KDM1A: variants seen among roughly 807,000 people sequenced by gnomAD.
The protein encoded by KDM1A is lysine demethylase 1A.
Under a neutral mutation model 109.4 loss-of-function variants are expected in KDM1A, and 49 were observed. That is an observed-to-expected ratio of 0.45 (90% CI 0.36 to 0.57). The LOEUF (loss-of-function observed/expected upper bound fraction) is 0.57, where lower values mean the gene tolerates loss of function less well. Among genes scored for constraint, KDM1A ranks in the 20% least tolerant of loss-of-function variants. KDM1A has a pLI of 0.00. For synonymous variants in KDM1A, 380 were observed against 415.4 expected, an observed-to-expected ratio of 0.91 and a Z score of 1.04; for missense variants, 668 against 1,116.6, an observed-to-expected ratio of 0.60 and a Z score of 5.73.
At chr1:23,040,434 T>C (rs1642274061) in intron 2 of KDM1A, among the ~76,000 whole-genome samples, 1 of 152,186 alleles carries the variant, frequency 6.6e-6, no homozygotes, top group South Asian at 2.1e-4. Context: ...AAGGCTGTTA[T>C]GTAAGATAAA....
At chr1:23,069,967 T>C (rs1331574266) in intron 12 of KDM1A, among the ~76,000 whole-genome samples, 1 of 152,260 alleles carries the variant, frequency 6.6e-6, no homozygotes, top group Non-Finnish European at 1.5e-5. Flanking sequence ...CTTGCCTCAC[T>C]CTCACTGTGC....
chr1:23,046,954 G>A (rs929313614), intron 3 of KDM1A, among the ~76,000 whole-genome samples: 3 of 152,144 alleles, frequency 2.0e-5, no homozygotes, highest in Non-Finnish European at 2.9e-5. Context: ...AATGGAAAAC[G>A]CAAACACCAG....
intron 1 of KDM1A, 136 bp downstream of exon 1, chr1:23,020,083 C>T (rs891767736): frequency 1.0e-4 from 95 of 954,600 alleles, no homozygotes; most frequent in Admixed American, 2.9e-4. Flanking sequence ...GCGCACGCCA[C>T]GTCCCCTCTA....
At position 23,071,375 on chromosome 1, in the gene KDM1A, A is replaced by C. The variant is rs769809235; in HGVS notation, c.1548+16A>C. 4.4e-6 allele frequency: 7 copies of C among 1,575,850 alleles called. No homozygotes were observed. Among genetic ancestry groups the C allele is most frequent in the Non-Finnish European group, 6.0e-6 (7 of 1,168,158 alleles). On this transcript the variant is annotated intron_variant, in intron 13 of 20. Transcript: ENST00000400181. ...CCTATGCAAGGTGTGGTATACATAC[A>C]TGCCTAACTGGTTTTACTTGGAATC...
chr1:23,071,248 TAAAG>T lies in KDM1A; in HGVS notation c.1440_1443del (p.Lys480AsnfsTer12), dbSNP rs763785057. ...AGATGGTAAATTTGAAAGAGAAAAT[TAAAG>T]AACTCCATCAGCAATACAAAGAAGC... is the stretch of plus-strand genomic sequence containing the variant. On this transcript the variant is annotated frameshift_variant, in exon 13 of 21. Coordinates refer to ENST00000400181, the MANE Select transcript of KDM1A (RefSeq NM_001009999.3). LOFTEE classifies it high-confidence loss of function. 4 of 1,598,352 alleles carry T rather than the reference TAAAG, an allele frequency of 2.5e-6. No homozygotes were observed. Among genetic ancestry groups the T allele is most frequent in the Non-Finnish European group, 3.4e-6 (4 of 1,174,950 alleles).
At chr1:23,044,556 G>C in intron 3 of KDM1A, 70 bp downstream of exon 3, 3 of 1,365,214 alleles carry the variant, frequency 2.2e-6, no homozygotes, top group Non-Finnish European at 3.0e-6. Flanking sequence ...GCTTGCAAGT[G>C]TTTTTGGCTG....
intron 19 of KDM1A, 63 bp from the exon 20 acceptor site, chr1:23,082,157 C>T (rs1423548288): frequency 3.2e-6 from 5 of 1,567,046 alleles, no homozygotes; most frequent in Non-Finnish European, 4.4e-6. Context: ...GCTTTTCCAC[C>T]TTTCAAGGAT....
At chr1:23,066,320 G>C (rs2124502234) in intron 10 of KDM1A, among the ~76,000 whole-genome samples, 1 of 152,292 alleles carries the variant, frequency 6.6e-6, no homozygotes, top group African/African-American at 2.4e-5. Flanking sequence ...AATGAATCCA[G>C]TGGGCTGCTC....
At chr1:23,065,846 T>G (rs1643146794) in intron 9 of KDM1A, among the ~76,000 whole-genome samples, 1 of 152,124 alleles carries the variant, frequency 6.6e-6, no homozygotes, top group African/African-American at 2.4e-5. Flanking sequence ...CTGCCTTTCT[T>G]TTGGCCATTT....
At chr1:23,054,500 G>C (rs770331011) in intron 5 of KDM1A, among the ~76,000 whole-genome samples, 7 of 152,142 alleles carry the variant, frequency 4.6e-5, no homozygotes, top group Non-Finnish European at 4.4e-5. Context: ...GAGTGAGTGA[G>C]TGATTGACAG....
At chr1:23,048,250 T>C (rs1642559954) in intron 3 of KDM1A, among the ~76,000 whole-genome samples, 1 of 152,094 alleles carries the variant, frequency 6.6e-6, no homozygotes, top group African/African-American at 2.4e-5. Flanking sequence ...GGTGGTTTTG[T>C]TTTGTTTTCA....
intron 2 of KDM1A, among the ~76,000 whole-genome samples, chr1:23,041,499 G>C (rs756494665): frequency 1.5e-5 from 2 of 132,960 alleles, no homozygotes; most frequent in Non-Finnish European, 3.1e-5. Flanking sequence ...CTGGAGTGCA[G>C]TGGTGCAATC....
chr1:23,030,677 A>T, intron 2 of KDM1A, 43 bp downstream of exon 2: 1 of 1,466,646 alleles, frequency 6.8e-7, no homozygotes, highest in Non-Finnish European at 9.1e-7. Flanking sequence ...TATCTTAGAA[A>T]TAAGAATGAA....
chr1:23,030,379 A>G (rs1032652355), intron 1 of KDM1A, 90 bp from the exon 2 acceptor site: 51 of 1,005,082 alleles, frequency 5.1e-5, no homozygotes, highest in Non-Finnish European at 2.8e-5. Flanking sequence ...ATGTGAGGTT[A>G]ACAATTTACA....
At chr1:23,080,132 A>T (rs1451118788) in intron 18 of KDM1A, among the ~76,000 whole-genome samples, 1 of 152,184 alleles carries the variant, frequency 6.6e-6, no homozygotes, top group South Asian at 2.1e-4. Flanking sequence ...ACCCCACCTC[A>T]TTCCAAGAAA....
At chr1:23,071,446 T>G (rs1446022640) in intron 13 of KDM1A, 87 bp downstream of exon 13, 1 of 1,311,508 alleles carries the variant, frequency 7.6e-7, no homozygotes. Context: ...AGAGAGCCAC[T>G]AGCCAATCAC....
chr1:23,040,164 A>G (rs1642264696), intron 2 of KDM1A, among the ~76,000 whole-genome samples: 1 of 152,214 alleles, frequency 6.6e-6, no homozygotes, highest in Non-Finnish European at 1.5e-5. Flanking sequence ...AAATGTTTGT[A>G]ATTTGAATGT....
Position 23,079,758 on chromosome 1 carries a change from T to C in KDM1A, c.2170+91T>C. The C allele has an allele frequency of 1.0e-5, 7 of 698,318 alleles. No individual in the cohort carries two copies. The highest frequency in any genetic ancestry group is 1.6e-5 in the Non-Finnish European group (7 of 429,894). 43.3% of individuals were successfully genotyped at this position (698,318 alleles called of 1,614,324 possible). A position where few individuals can be genotyped will look rare whatever the true frequency, so the allele number is the denominator to read the frequency against. On this transcript the variant is annotated intron_variant, in intron 18 of 20. Coordinates refer to ENST00000400181, the MANE Select transcript of KDM1A (RefSeq NM_001009999.3). This position sits in a 1 kb window ranked among gnomAD's most constrained non-coding sequence, Gnocchi z 5.6. ...GGTTTTCTCAATATATATGCCTTAA[T>C]TTCTCTCTTTATTAACTCAACAAAC...
chr1:23,037,687 A>G (rs1245655477), intron 2 of KDM1A, among the ~76,000 whole-genome samples: 1 of 152,158 alleles, frequency 6.6e-6, no homozygotes, highest in Non-Finnish European at 1.5e-5. Flanking sequence ...GGGTTTTGGA[A>G]ATTTTGTGTT....
Sources: gnomAD v4.1 joint callset for allele counts (sites outside exome capture counted in the v4.1 genomes callset) on GRCh38, gnomAD v4.1.1 for gene constraint, Gnocchi (gnomAD v3.1) non-coding constraint, MANE v1.5 for transcripts, NCBI Gene and HGNC (gene_info 2026-07-23, HGNC 2026-07-21) for gene names.